Variants in FHIT observed in about 807,000 individuals in gnomAD.
The protein encoded by FHIT is bis(5'-adenosyl)-triphosphatase.
FHIT carries 19 observed loss-of-function variants against 17.9 expected under a neutral mutation model. The ratio of observed to expected loss-of-function variants is 1.06; its 90% CI spans 0.74 to 1.56. The LOEUF is 1.56. FHIT is among the 40% of genes most tolerant of loss of function. The probability of loss-of-function intolerance (pLI) is 0.00; values close to 1 mark genes in which losing one functional copy is unlikely to be tolerated. For missense variants in FHIT, 248 were observed against 189.2 expected, an observed-to-expected ratio of 1.31 and a Z score of -1.82; for synonymous variants, 81 against 69.7, an observed-to-expected ratio of 1.16 and a Z score of -0.81.
chr3:60,412,491 G>A (rs1353489706), intron 5 of FHIT, among the ~76,000 whole-genome samples: 1 of 151,772 alleles, frequency 6.6e-6, no homozygotes, highest in Non-Finnish European at 1.5e-5. Context: ...CCCTCTCTCT[G>A]CAGATTTCCT....
chr3:59,958,417 G>A (rs1707508430), intron 7 of FHIT, among the ~76,000 whole-genome samples: 1 of 152,088 alleles, frequency 6.6e-6, no homozygotes, highest in African/African-American at 2.4e-5. Context: ...AATGGCATAG[G>A]CTACGGCAGA....
intron 5 of FHIT, among the ~76,000 whole-genome samples, chr3:60,236,408 C>T (rs370746104): frequency 6.6e-6 from 1 of 151,616 alleles, no homozygotes; most frequent in African/African-American, 2.4e-5. Flanking sequence ...CCAACAGCAC[C>T]CTTCAACTCT....
intron 5 of FHIT, among the ~76,000 whole-genome samples, chr3:60,177,856 T>C (rs1376895246): frequency 6.6e-6 from 1 of 152,208 alleles, no homozygotes; most frequent in Admixed American, 6.5e-5. Context: ...CATTTTGGTA[T>C]AGGCTGGACT....
intron 5 of FHIT, among the ~76,000 whole-genome samples, chr3:60,247,488 G>A (rs1705463210): frequency 6.6e-6 from 1 of 152,148 alleles, no homozygotes; most frequent in Admixed American, 6.5e-5. Flanking sequence ...CTTATACATA[G>A]ATACATATTT....
intron 3 of FHIT, among the ~76,000 whole-genome samples, chr3:60,827,344 T>A (rs750894497): frequency 6.6e-6 from 1 of 152,246 alleles, no homozygotes; most frequent in Non-Finnish European, 1.5e-5. Context: ...AGTAGAATGC[T>A]GGCTTTGCTC....
At position 59,899,372 on chromosome 3, in the gene FHIT, G is replaced by A. The variant is rs114910182; in HGVS notation, c.348+22974C>T. Among the ~76,000 whole-genome samples, 532 of 152,294 alleles carry A rather than the reference G, an allele frequency of 3.5e-3. 1 individual carries two copies. Among genetic ancestry groups the A allele is most frequent in the African/African-American group, 0.012 (499 of 41,564 alleles). On this transcript the variant is annotated intron_variant, in intron 8 of 9. Coordinates refer to ENST00000492590, the MANE Select transcript of FHIT (RefSeq NM_002012.4). ...CATGGAAAGGACTGAACTCTCTTAA[G>A]GTAAATAATGGCCTTGTGGCTTTTG...
intron 5 of FHIT, among the ~76,000 whole-genome samples, chr3:60,136,746 G>A (rs1301007359): frequency 2.6e-5 from 4 of 152,152 alleles, no homozygotes; most frequent in Admixed American, 2.0e-4. Flanking sequence ...AAATGAGTTG[G>A]GGGCTATCCA....
intron 7 of FHIT, among the ~76,000 whole-genome samples, chr3:59,976,546 T>C (rs1274101302): frequency 6.6e-6 from 1 of 151,614 alleles, no homozygotes; most frequent in Non-Finnish European, 1.5e-5. Flanking sequence ...GGAAAGAGAA[T>C]GAAGAAAGAG....
intron 5 of FHIT, among the ~76,000 whole-genome samples, chr3:60,060,200 A>G (rs1303059150): frequency 3.3e-5 from 5 of 152,042 alleles, no homozygotes; most frequent in Non-Finnish European, 7.4e-5. Context: ...AAAAAAACCC[A>G]AATGTTTTCT....
chr3:60,397,983 G>C (rs1236932393), intron 5 of FHIT, among the ~76,000 whole-genome samples: 1 of 152,042 alleles, frequency 6.6e-6, no homozygotes, highest in Non-Finnish European at 1.5e-5. Flanking sequence ...CCATATTAGA[G>C]AATTTTCCCA....
intron 4 of FHIT, among the ~76,000 whole-genome samples, chr3:60,569,613 C>T (rs1011986978): frequency 6.0e-5 from 9 of 151,260 alleles, no homozygotes; most frequent in Middle Eastern, 3.2e-3. Context: ...ATCTGGCTAG[C>T]TAGGAGACTT....
intron 3 of FHIT, among the ~76,000 whole-genome samples, chr3:60,982,272 A>T (rs923574441): frequency 1.1e-4 from 16 of 152,208 alleles, no homozygotes; most frequent in African/African-American, 3.9e-4. Flanking sequence ...GAAGGTTATA[A>T]ACTCAAAGTC....
intron 5 of FHIT, among the ~76,000 whole-genome samples, chr3:60,167,968 G>A (rs1045399875): frequency 6.6e-6 from 1 of 152,162 alleles, no homozygotes; most frequent in East Asian, 1.9e-4. Flanking sequence ...AGAACTCAGT[G>A]AGCCGTGATC....
chr3:60,611,440 C>A (rs1307587068), intron 4 of FHIT, among the ~76,000 whole-genome samples: 2 of 152,182 alleles, frequency 1.3e-5, no homozygotes, highest in Admixed American at 6.5e-5. Flanking sequence ...TCAAGGTCAT[C>A]ACCAAGGTCT....
At chr3:61,189,565 C>A (rs1407256895) in intron 2 of FHIT, among the ~76,000 whole-genome samples, 1 of 151,858 alleles carries the variant, frequency 6.6e-6, no homozygotes, top group East Asian at 1.9e-4. Flanking sequence ...ACTTTCTTCA[C>A]AGAATTGGAA....
chr3:59,896,302 C>T (rs970869122), intron 8 of FHIT, among the ~76,000 whole-genome samples: 2 of 152,174 alleles, frequency 1.3e-5, no homozygotes, highest in African/African-American at 4.8e-5. Context: ...ATGAAATAAA[C>T]AGTTCATATA....
intron 7 of FHIT, among the ~76,000 whole-genome samples, chr3:59,961,211 A>G (rs1215846462): frequency 2.0e-5 from 3 of 152,088 alleles, no homozygotes. Context: ...TGACTGATTC[A>G]TAGCTGGAAC....
chr3:60,995,538 A>G (rs1171473082), intron 3 of FHIT, among the ~76,000 whole-genome samples: 1 of 152,090 alleles, frequency 6.6e-6, no homozygotes, highest in African/African-American at 2.4e-5. Flanking sequence ...CTGCGACTAC[A>G]GGTGTCCCAG....
chr3:60,019,198 C>A (rs546920952), intron 5 of FHIT, among the ~76,000 whole-genome samples: 274 of 152,268 alleles, frequency 1.8e-3, no homozygotes, highest in Middle Eastern at 0.014. Flanking sequence ...TTAAGGCTTA[C>A]ATTGTCCCAC....
Sources: gnomAD v4.1 joint callset for allele counts (sites outside exome capture counted in the v4.1 genomes callset) on GRCh38, gnomAD v4.1.1 for gene constraint, MANE v1.5 for transcripts, NCBI Gene and HGNC (gene_info 2026-07-23, HGNC 2026-07-21) for gene names.